USP34: variants seen among roughly 807,000 people sequenced by gnomAD.
USP34 encodes ubiquitin carboxyl-terminal hydrolase 34.
In USP34, 70 loss-of-function variants were observed where a neutral mutation model predicts 460.3. That is an observed-to-expected ratio of 0.15 (90% CI 0.13 to 0.19). The LOEUF is 0.19. Ranked by LOEUF, USP34 falls within the 10% of genes least tolerant of loss-of-function variation. The probability of loss-of-function intolerance (pLI) is 1.00; values close to 1 mark genes in which losing one functional copy is unlikely to be tolerated. For synonymous variants in USP34, 1,647 were observed against 1,405.3 expected (o/e 1.17, Z -3.85); for missense variants, 3,985 against 4,236.2 (o/e 0.94, Z 1.65).
chr2:61,282,082 T>C (rs955818756), intron 37 of USP34, among the ~76,000 whole-genome samples: 6 of 152,096 alleles, frequency 3.9e-5, no homozygotes, highest in African/African-American at 1.2e-4. Context: ...CTCTGCCTCC[T>C]GGGTTCAAGC....
At chr2:61,438,330 G>A (rs944986530) in intron 1 of USP34, among the ~76,000 whole-genome samples, 12 of 152,052 alleles carry the variant, frequency 7.9e-5, no homozygotes. Context: ...AAAAACTCTA[G>A]GCCAGGCGTG....
chr2:61,265,138 A>G (rs945874566), intron 43 of USP34: 1 of 302,152 alleles, frequency 3.3e-6, no homozygotes, highest in Non-Finnish European at 6.0e-6. Flanking sequence ...TACTGACAAC[A>G]TGATATTCAT....
chr2:61,467,370 G>C (rs1038577618), intron 1 of USP34, among the ~76,000 whole-genome samples: 2 of 151,892 alleles, frequency 1.3e-5, no homozygotes, highest in Non-Finnish European at 2.9e-5. Flanking sequence ...CGCTGGTCTC[G>C]AACTCCTGGC....
chr2:61,260,966 TA>T (rs1688860767), intron 43 of USP34, among the ~76,000 whole-genome samples: 1 of 152,210 alleles, frequency 6.6e-6, no homozygotes, highest in South Asian at 2.1e-4. Flanking sequence ...ATTTACTACT[TA>T]AAAAATTGTG....
chr2:61,208,607 C>T lies in USP34; in HGVS notation c.8919+292G>A, dbSNP rs532909653. On this transcript the variant is annotated intron_variant, in intron 70 of 79. Coordinates refer to ENST00000398571, the MANE Select transcript of USP34 (RefSeq NM_014709.4). ...ATTATGTGTGCCCTTAATGAAATCA[C>T]ATGTATTTCATTTTTGTCCCTACAA... 1.6e-5 allele frequency: 3 copies of T among 183,600 alleles called. No homozygotes were observed. In the Admixed American group the frequency reaches 1.8e-4, roughly 11 times the overall value. 11.4% of individuals were successfully genotyped at this position (183,600 alleles called of 1,614,324 possible). A position where few individuals can be genotyped will look rare whatever the true frequency, so the allele number is the denominator to read the frequency against.
chr2:61,334,081 T>C (rs1365147792), intron 18 of USP34, 110 bp from the exon 19 acceptor site: 5 of 662,278 alleles, frequency 7.5e-6, no homozygotes, highest in Non-Finnish European at 1.2e-5. Flanking sequence ...CATAGAGACA[T>C]ATTATTACAC....
intron 27 of USP34, among the ~76,000 whole-genome samples, chr2:61,310,420 G>T (rs571084400): frequency 6.6e-6 from 1 of 151,962 alleles, no homozygotes; most frequent in South Asian, 2.1e-4. Flanking sequence ...AAAGAATGAG[G>T]TAACTTTCTA....
rs763939128 is a variant in USP34, at chr2:61,294,900, G to A, written c.4461+49C>T. The A allele has an allele frequency of 3.4e-6, 5 of 1,468,710 alleles. No homozygotes were observed. The South Asian group carries it at 3.7e-5, about 11-fold the overall frequency. 91.0% of individuals were successfully genotyped at this position (1,468,710 alleles called of 1,614,324 possible). A position where few individuals can be genotyped will look rare whatever the true frequency, so the allele number is the denominator to read the frequency against. ...TTATGGTACCCACTTTTGAAAAACT[G>A]AAGATAAATTATTTTTATCAATACA... On this transcript the variant is annotated intron_variant, in intron 32 of 79. Coordinates refer to ENST00000398571, the MANE Select transcript of USP34 (RefSeq NM_014709.4).
At chr2:61,289,295 A>G (rs953770417) in intron 33 of USP34, among the ~76,000 whole-genome samples, 13 of 152,302 alleles carry the variant, frequency 8.5e-5, no homozygotes, top group Middle Eastern at 3.4e-3. Flanking sequence ...AACGAGTGGC[A>G]CAAACTCTTA....
intron 1 of USP34, among the ~76,000 whole-genome samples, chr2:61,444,187 C>A (rs577610707): frequency 1.3e-5 from 2 of 152,078 alleles, no homozygotes; most frequent in African/African-American, 4.8e-5. Flanking sequence ...CCCAGAAGGT[C>A]AAGGTGACAA....
chr2:61,285,109 A>T lies in USP34; in HGVS notation c.4750-152T>A, dbSNP rs896934251. On this transcript the variant is annotated intron_variant, in intron 34 of 79. Coordinates refer to ENST00000398571, the MANE Select transcript of USP34 (RefSeq NM_014709.4). Reference sequence around the variant, plus strand: ...TTGATATTTATCTATAACACAATAAAGAATGTCGTAAGAATTCTTTGAAAA... The same window carrying T: ...TTGATATTTATCTATAACACAATAATGAATGTCGTAAGAATTCTTTGAAAA... 23 of 579,812 alleles carry T rather than the reference A, an allele frequency of 4.0e-5. No homozygotes were observed. The South Asian group carries it at 5.8e-4, about 15-fold the overall frequency. 35.9% of individuals were successfully genotyped at this position (579,812 alleles called of 1,614,324 possible).
chr2:61,204,293 T>C lies in USP34; in HGVS notation c.9347A>G (p.Asn3116Ser), dbSNP rs773179805. 29 of 1,614,114 alleles carry C rather than the reference T, an allele frequency of 1.8e-5. No individual in the cohort carries two copies. The highest frequency in any genetic ancestry group is 1.1e-4 in the African/African-American group (8 of 74,944). Reference protein sequence around the residue: ...SNIRPPRPELNMCLLPTMVET... With the variant: ...SNIRPPRPELSMCLLPTMVET... ...CACCATTGTGGGCAAGAGGCACATA[T>C]TGAGTTCAGGGCGCGGAGGCCGAAT... Residue 3116 changes from asparagine to serine, a missense_variant, in exon 74 of 80, where the codon AAT becomes AGT. Physicochemically the swap from Asn to Ser is conservative, Grantham distance 46. Around this residue, in one of 14 missense-constraint regions of USP34, gnomAD observed 275 missense variants for 292.7 expected, o/e 0.94. Transcript: ENST00000398571.
At chr2:61,239,302 A>ATT (rs1688175788) in intron 53 of USP34, among the ~76,000 whole-genome samples, 1 of 39,980 alleles carries the variant, frequency 2.5e-5, no homozygotes, top group Admixed American at 1.9e-4. Flanking sequence ...GGGCCCTGTC[A>ATT]CACACACACA....
intron 43 of USP34, among the ~76,000 whole-genome samples, chr2:61,264,974 T>G (rs1330419663): frequency 2.6e-5 from 4 of 152,236 alleles, no homozygotes; most frequent in Non-Finnish European, 5.9e-5. Flanking sequence ...ACAATTTGAT[T>G]CACTTTGGGA....
intron 1 of USP34, among the ~76,000 whole-genome samples, chr2:61,469,120 T>C (rs2104129810): frequency 6.6e-6 from 1 of 152,048 alleles, no homozygotes; most frequent in Non-Finnish European, 1.5e-5. Context: ...GGCAGGAGAA[T>C]CGCTTGAACC....
At chr2:61,325,545 A>G in intron 20 of USP34, 88 bp from the exon 21 acceptor site, 1 of 704,582 alleles carries the variant, frequency 1.4e-6, no homozygotes, top group Non-Finnish European at 2.1e-6. Context: ...AACTTATACC[A>G]AAAATTGTTT....
intron 5 of USP34, among the ~76,000 whole-genome samples, chr2:61,384,214 T>A (rs1367010606): frequency 6.6e-6 from 1 of 152,190 alleles, no homozygotes; most frequent in Admixed American, 6.5e-5. Flanking sequence ...ACAATAAATA[T>A]ATTTCCTCAT....
Position 61,319,243 on chromosome 2 carries a change from A to G in USP34, c.3098T>C (p.Leu1033Ser), listed in dbSNP as rs1558527636. 1.3e-6 allele frequency: 2 copies of G among 1,593,668 alleles called. No individual in the cohort carries two copies. Residue 1033 changes from leucine (L) to serine (S), a missense_variant, in exon 22 of 80, where the codon TTA (leucine) becomes TCA (serine). Around this residue, in one of 14 missense-constraint regions of USP34, gnomAD observed 1,114 missense variants for 1,122.5 expected, o/e 0.99. Transcript: ENST00000398571. ...ECYDDALHWF[L>S]NQVRSKDQHA... ...TTGATCTTTACTTCGAACTTGATTT[A>G]AAAACCAATGGAGTGCATCATCATA...
chr2:61,416,617 C>T (rs1037535568), intron 2 of USP34, among the ~76,000 whole-genome samples: 6 of 152,142 alleles, frequency 3.9e-5, no homozygotes, highest in African/African-American at 4.8e-5. Context: ...TCTGTGGTAT[C>T]GGTGCTTGTC....
Sources: allele counts gnomAD v4.1 joint callset (sites outside exome capture counted in the v4.1 genomes callset), GRCh38; gene constraint gnomAD v4.1.1; regional missense constraint gnomAD v4.1.1; transcripts MANE v1.5; gene names NCBI Gene and HGNC (gene_info 2026-07-23, HGNC 2026-07-21).